DTNBP1: variants seen among roughly 807,000 people sequenced by gnomAD.
DTNBP1 encodes the protein dystrobrevin binding protein 1.
In DTNBP1, 35 loss-of-function variants were observed where a neutral mutation model predicts 42.8. That is an observed-to-expected ratio of 0.82 (90% CI 0.63 to 1.09). The LOEUF is 1.09. DTNBP1 is among the 50% of genes least tolerant of loss of function. The pLI, the probability that DTNBP1 is intolerant of heterozygous loss-of-function variation, is 0.00. For missense variants in DTNBP1, 457 were observed against 424.2 expected (o/e 1.08, Z -0.68); for synonymous variants, 171 against 162.2 (o/e 1.05, Z -0.41).
chr6:15,523,630 C>T (rs1772100006), intron 9 of DTNBP1: 4 of 1,287,556 alleles, frequency 3.1e-6, no homozygotes, highest in South Asian at 2.5e-5. Context: ...AATTACTGAC[C>T]TTCAGCAGTT....
chr6:15,655,654 A>G (rs1761238659), intron 1 of DTNBP1, among the ~76,000 whole-genome samples: 1 of 150,938 alleles, frequency 6.6e-6, no homozygotes, highest in East Asian at 1.9e-4. Context: ...AAAAAAAAAA[A>G]GTAAAAAAAC....
intron 8 of DTNBP1, among the ~76,000 whole-genome samples, chr6:15,528,922 G>C (rs1772610901): frequency 6.6e-6 from 1 of 152,208 alleles, no homozygotes; most frequent in Non-Finnish European, 1.5e-5. Flanking sequence ...GGGACTGTGG[G>C]ACTGCTCAAG....
intron 1 of DTNBP1, 149 bp from the exon 2 acceptor site, chr6:15,652,289 C>T: frequency 5.3e-6 from 3 of 566,238 alleles, no homozygotes; most frequent in Non-Finnish European, 9.2e-6. Flanking sequence ...AAGTGATCCT[C>T]CCACCTCATC....
intron 5 of DTNBP1, among the ~76,000 whole-genome samples, chr6:15,622,650 G>A (rs150628668): frequency 4.6e-5 from 7 of 152,212 alleles, no homozygotes; most frequent in East Asian, 1.9e-4. Flanking sequence ...CATTTTGCTC[G>A]CTATAACAAC....
intron 7 of DTNBP1, among the ~76,000 whole-genome samples, chr6:15,573,595 A>G (rs1775430543): frequency 6.6e-6 from 1 of 152,074 alleles, no homozygotes; most frequent in Non-Finnish European, 1.5e-5. Context: ...CAAGTGGATC[A>G]CCTGAGGTCA....
intron 7 of DTNBP1, among the ~76,000 whole-genome samples, chr6:15,539,669 G>T (rs566263711): frequency 6.6e-6 from 1 of 152,324 alleles, no homozygotes; most frequent in South Asian, 2.1e-4. Context: ...TTGGGTGGAC[G>T]ATTCTAGGAG....
At chr6:15,623,230 T>C (rs1759146725) in intron 5 of DTNBP1, among the ~76,000 whole-genome samples, 1 of 152,214 alleles carries the variant, frequency 6.6e-6, no homozygotes, top group Admixed American at 6.5e-5. Context: ...CATGAAAAAC[T>C]GACAGAGCTA....
chr6:15,523,267 G>C, intron 9 of DTNBP1, 48 bp from the exon 10 acceptor site: 1 of 1,611,294 alleles, frequency 6.2e-7, no homozygotes, highest in Non-Finnish European at 8.5e-7. Context: ...AAAATATTGT[G>C]AATCAGAATT....
intron 7 of DTNBP1, among the ~76,000 whole-genome samples, chr6:15,566,750 G>C (rs1775109264): frequency 8.0e-6 from 1 of 124,480 alleles, no homozygotes; most frequent in African/African-American, 3.2e-5. Context: ...GTTCAGGATT[G>C]AGTGCAGTGG....
chr6:15,559,506 G>A (rs909500065), intron 7 of DTNBP1, among the ~76,000 whole-genome samples: 5 of 152,152 alleles, frequency 3.3e-5, no homozygotes, highest in Non-Finnish European at 5.9e-5. Flanking sequence ...TGGCTAGACT[G>A]AGAAGAAGCT....
At chr6:15,650,666 C>T (rs539957672) in intron 3 of DTNBP1, among the ~76,000 whole-genome samples, 10 of 152,092 alleles carry the variant, frequency 6.6e-5, no homozygotes, top group Non-Finnish European at 1.5e-4. Flanking sequence ...TGCATATCTT[C>T]TTTTGAGAAA....
At chr6:15,572,097 T>C (rs559317311) in intron 7 of DTNBP1, among the ~76,000 whole-genome samples, 5 of 152,352 alleles carry the variant, frequency 3.3e-5, no homozygotes, top group African/African-American at 9.6e-5. Context: ...ATAATTAGCA[T>C]GAATTCATAA....
chr6:15,532,887 T>C (rs1432610471), intron 8 of DTNBP1, among the ~76,000 whole-genome samples: 1 of 151,756 alleles, frequency 6.6e-6, no homozygotes, highest in Non-Finnish European at 1.5e-5. Context: ...TTAGTAGAGA[T>C]GAGGTTTCAC....
intron 6 of DTNBP1, among the ~76,000 whole-genome samples, chr6:15,597,277 T>C (rs1241531711): frequency 6.6e-6 from 1 of 152,156 alleles, no homozygotes; most frequent in Non-Finnish European, 1.5e-5. Context: ...GGACAACTCA[T>C]ACACTTAGGT....
intron 1 of DTNBP1, among the ~76,000 whole-genome samples, chr6:15,655,610 C>T (rs1297850986): frequency 1.6e-5 from 2 of 128,438 alleles, no homozygotes; most frequent in Non-Finnish European, 3.3e-5. Context: ...AAGTAAAAAA[C>T]AAAGTAGCTA....
intron 7 of DTNBP1, among the ~76,000 whole-genome samples, chr6:15,538,219 A>G (rs1232247503): frequency 2.6e-5 from 4 of 152,100 alleles, no homozygotes; most frequent in Non-Finnish European, 4.4e-5. Context: ...GCCTTCTTGG[A>G]GAAAGATGTG....
intron 7 of DTNBP1, among the ~76,000 whole-genome samples, chr6:15,543,251 T>C (rs1202682011): frequency 2.0e-5 from 3 of 152,216 alleles, no homozygotes; most frequent in African/African-American, 7.2e-5. Flanking sequence ...GAAATAATTA[T>C]AGGTTCATAG....
intron 7 of DTNBP1, among the ~76,000 whole-genome samples, chr6:15,542,591 C>A (rs1240748764): frequency 6.6e-6 from 1 of 152,002 alleles, no homozygotes; most frequent in Non-Finnish European, 1.5e-5. Context: ...AGGATGGTCT[C>A]GATCTCCTGA....
Position 15,662,956 on chromosome 6 carries a change from T to C in DTNBP1, c.-87A>G, listed in dbSNP as rs758021979. On this transcript the variant is annotated 5_prime_UTR_variant, in exon 1 of 10. Transcript: ENST00000344537. ...GGGTCCCACGCCGCCAACCCCGCGCTGTCACCGCGCGCCCCGCACTCCCAC... is the reference window on the plus strand; with the variant it reads ...GGGTCCCACGCCGCCAACCCCGCGCCGTCACCGCGCGCCCCGCACTCCCAC... 6.4e-7 allele frequency: 1 copy of C among 1,566,414 alleles called. No homozygotes were observed. Among genetic ancestry groups the C allele is most frequent in the East Asian group, 2.3e-5 (1 of 44,350 alleles).
Sources: gnomAD v4.1 joint callset for allele counts (sites outside exome capture counted in the v4.1 genomes callset) on GRCh38, gnomAD v4.1.1 for gene constraint, MANE v1.5 for transcripts, NCBI Gene and HGNC (gene_info 2026-07-23, HGNC 2026-07-21) for gene names.